The following CXCR2 variants were observed in gnomAD, a reference collection of about 807,000 sequenced individuals.
CXCR2 encodes C-X-C chemokine receptor type 2.
CXCR2 carries 2 observed loss-of-function variants against 3.7 expected under a neutral mutation model. That is an observed-to-expected ratio of 0.55 (90% CI 0.22 to 1.72). CXCR2 has a LOEUF of 1.72. CXCR2 is among the 40% of genes most tolerant of loss of function. The probability of loss-of-function intolerance (pLI) is 0.19; values close to 1 mark genes in which losing one functional copy is unlikely to be tolerated. For synonymous variants in CXCR2, 203 were observed against 193.3 expected, an observed-to-expected ratio of 1.05 and a Z score of -0.41; for missense variants, 351 against 450.1, an observed-to-expected ratio of 0.78 and a Z score of 1.99.
intron 2 of CXCR2, among the ~76,000 whole-genome samples, chr2:218,133,515 C>T (rs1690702243): frequency 6.6e-6 from 1 of 151,918 alleles, no homozygotes; most frequent in Non-Finnish European, 1.5e-5. Flanking sequence ...AGCCAGGCTG[C>T]TCTCAAACTC....
chr2:218,129,666 G>T (rs1180097577), intron 2 of CXCR2, among the ~76,000 whole-genome samples: 1 of 152,108 alleles, frequency 6.6e-6, no homozygotes, highest in Non-Finnish European at 1.5e-5. Flanking sequence ...CTAGGACTGG[G>T]TCTGAGGATG....
At position 218,136,585 on chromosome 2, in the gene CXCR2, A is replaced by G. The variant is rs1224839612; in HGVS notation, c.*701A>G. 2 of 167,080 alleles carry G rather than the reference A, an allele frequency of 1.2e-5. No individual in the cohort carries two copies. The highest frequency in any genetic ancestry group is 2.9e-5 in the Non-Finnish European group (2 of 68,134). 10.3% of individuals were successfully genotyped at this position (167,080 alleles called of 1,614,324 possible). On this transcript the variant is annotated 3_prime_UTR_variant, in exon 3 of 3. Transcript: ENST00000318507. ...TGATCCTGCAATTCCACTTATAGGAATTGACCCACAAGAAATGAAAGCAGG... is the reference window on the plus strand; with the variant it reads ...TGATCCTGCAATTCCACTTATAGGAGTTGACCCACAAGAAATGAAAGCAGG...
At position 218,134,709 on chromosome 2, in the gene CXCR2, GT is replaced by G. The variant is rs997418075; in HGVS notation, c.-25-65del. 73 of 1,417,308 alleles carry G rather than the reference GT, an allele frequency of 5.2e-5. 1 individual carries two copies. The Admixed American group carries it at 1.5e-3, about 30-fold the overall frequency. 87.8% of individuals were successfully genotyped at this position (1,417,308 alleles called of 1,614,324 possible). The stretch of plus-strand genomic sequence containing the variant: ...AGCCAACACAAAGAATCCTATCCCA[GT>G]TTCTTGAGTGGATGGGCAAGAATAT... On this transcript the variant is annotated intron_variant, in intron 2 of 2. Coordinates refer to ENST00000318507, the MANE Select transcript of CXCR2 (RefSeq NM_001557.4).
In CXCR2 at chr2:218,136,036, T is replaced by G; in HGVS notation, c.*152T>G. On this transcript the variant is annotated 3_prime_UTR_variant, in exon 3 of 3. Coordinates refer to ENST00000318507, the MANE Select transcript of CXCR2 (RefSeq NM_001557.4). ...TAGAGGAGGCCACGTTCTTACTAGT[T>G]TCCCTTGCATGGTTTAGAAAGCTTG... is the stretch of plus-strand genomic sequence containing the variant. The G allele has an allele frequency of 9.9e-7, 1 of 1,013,906 alleles. No homozygotes were observed. Among genetic ancestry groups the G allele is most frequent in the Non-Finnish European group, 1.5e-6 (1 of 685,972 alleles). The allele number at this position is 1,013,906 out of a possible 1,614,324, so 62.8% of individuals were successfully genotyped here. A position where few individuals can be genotyped will look rare whatever the true frequency, so the allele number is the denominator to read the frequency against.
chr2:218,132,574 T>TA (rs1222234081), intron 2 of CXCR2, among the ~76,000 whole-genome samples: 1 of 152,222 alleles, frequency 6.6e-6, no homozygotes, highest in Non-Finnish European at 1.5e-5. Flanking sequence ...ACATGGGCTA[T>TA]ATGGTAGAGT....
rs915319548 is a variant in CXCR2 at position 218,137,054 on chromosome 2, T to C, written c.*1170T>C. On this transcript the variant is annotated 3_prime_UTR_variant, in exon 3 of 3. Transcript: ENST00000318507. ...CGCAATGTGACTTAATGCCACTAAA[T>C]TGACACTTAAAAATGGTTTAAATGG... is the stretch of plus-strand genomic sequence containing the variant. 28 of 166,768 alleles carry C rather than the reference T, an allele frequency of 1.7e-4. No homozygotes were observed. The highest frequency in any genetic ancestry group is 6.8e-4 in the African/African-American group (28 of 41,184). The allele number at this position is 166,768 out of a possible 1,614,324, so 10.3% of individuals were successfully genotyped here.
rs565078605 is a variant in CXCR2, at chr2:218,132,512, G to C, written c.-25-2265G>C. On this transcript the variant is annotated intron_variant, in intron 2 of 2. Transcript: ENST00000318507. ...GCTTAACAATGCGGATGCATTCTGA[G>C]AAATATGTCATGTGAACATGGTAGA... is the stretch of plus-strand genomic sequence containing the variant. Among the ~76,000 whole-genome samples, 3 of 152,302 alleles carry C rather than the reference G, an allele frequency of 2.0e-5. No homozygotes were observed. The East Asian group carries it at 5.8e-4, about 29-fold the overall frequency.
rs199534482 is a variant in CXCR2 at position 218,135,823 on chromosome 2, C to A, written c.1022C>A (p.Pro341His). ...IHGLISKDSL[P>H]KDSRPSFVGS... ...GGCTTGATCAGCAAGGACTCCCTGC[C>A]CAAAGACAGCAGGCCTTCCTTTGTT... The change falls in exon 3 of 3, where the codon CCC becomes CAC. Residue 341 changes from proline to histidine, a missense_variant. Transcript: ENST00000318507. The surrounding 1 kb of genome is among the most constrained non-coding windows in gnomAD (Gnocchi z 4.0). The A allele has an allele frequency of 6.2e-7, 1 of 1,614,066 alleles. No individual in the cohort carries two copies. Among genetic ancestry groups the A allele is most frequent in the Non-Finnish European group, 8.5e-7 (1 of 1,179,994 alleles).
chr2:218,125,338 T>C (rs570189962), upstream of CXCR2: 3 of 152,360 alleles, frequency 2.0e-5, no homozygotes, highest in South Asian at 6.2e-4. Context: ...CCTTCCTGGG[T>C]ACAGTGCTAT....
At chr2:218,134,451 G>A (rs1238092673) in intron 2 of CXCR2, among the ~76,000 whole-genome samples, 4 of 152,120 alleles carry the variant, frequency 2.6e-5, no homozygotes, top group Non-Finnish European at 4.4e-5. Context: ...AAAGATGCTC[G>A]CCACTGAAGG....
rs916343383 is a variant in CXCR2 at position 218,127,715 on chromosome 2, G to A, written c.-78+1362G>A. Among the ~76,000 whole-genome samples, 7 of 152,282 alleles carry A rather than the reference G, an allele frequency of 4.6e-5. No individual in the cohort carries two copies. In the East Asian group the frequency reaches 5.8e-4, roughly 13 times the overall value. On this transcript the variant is annotated intron_variant, in intron 1 of 2. Coordinates refer to ENST00000318507, the MANE Select transcript of CXCR2 (RefSeq NM_001557.4). The stretch of plus-strand genomic sequence containing the variant: ...ACCTAGTTCAGCTGTGTCACTCTAG[G>A]TATGTTGCTTAACCTCTCAGAGTCT...
chr2:218,133,022 A>G (rs1282592253), intron 2 of CXCR2, among the ~76,000 whole-genome samples: 2 of 152,096 alleles, frequency 1.3e-5, no homozygotes, highest in East Asian at 3.9e-4. Flanking sequence ...TGACTTTTCC[A>G]CTTCCTCACC....
Position 218,129,977 on chromosome 2 carries a change from C to T in CXCR2, c.-26+612C>T, listed in dbSNP as rs1368350215. ...TGGAATATATGACTGTGTGGTCAGCCGGACCCAGCCAGTTCAAGGGTGTTT... is the reference window on the plus strand; with the variant it reads ...TGGAATATATGACTGTGTGGTCAGCTGGACCCAGCCAGTTCAAGGGTGTTT... On this transcript the variant is annotated intron_variant, in intron 2 of 2. Coordinates refer to ENST00000318507, the MANE Select transcript of CXCR2 (RefSeq NM_001557.4). Among the ~76,000 whole-genome samples, 7 of 152,094 alleles carry T rather than the reference C, an allele frequency of 4.6e-5. No individual in the cohort carries two copies. In the East Asian group the frequency reaches 1.2e-3, roughly 25 times the overall value.
chr2:218,132,608 C>T (rs1464478815), intron 2 of CXCR2, among the ~76,000 whole-genome samples: 1 of 152,206 alleles, frequency 6.6e-6, no homozygotes, highest in Non-Finnish European at 1.5e-5. Context: ...TACAAACCTA[C>T]TCAGCATGTT....
rs1435172046 is a variant in CXCR2, at chr2:218,136,965, G to A, written c.*1081G>A. On this transcript the variant is annotated 3_prime_UTR_variant, in exon 3 of 3. Coordinates refer to ENST00000318507, the MANE Select transcript of CXCR2 (RefSeq NM_001557.4). ...GAGCATGGGAAGTGACGGTTTAATG[G>A]GCACAGGGTTTATGTTTAGGATGTT... 2 of 167,142 alleles carry A rather than the reference G, an allele frequency of 1.2e-5. No homozygotes were observed. The highest frequency in any genetic ancestry group is 2.4e-5 in the African/African-American group (1 of 41,410). The allele number at this position is 167,142 out of a possible 1,614,324, so 10.4% of individuals were successfully genotyped here.
intron 2 of CXCR2, among the ~76,000 whole-genome samples, chr2:218,133,468 T>A (rs1245624714): frequency 6.6e-6 from 1 of 151,990 alleles, no homozygotes; most frequent in South Asian, 2.1e-4. Flanking sequence ...CCTGGCTAAT[T>A]TTTGTATTAT....
At chr2:218,129,705 C>T (rs936905979) in intron 2 of CXCR2, among the ~76,000 whole-genome samples, 3 of 108,320 alleles carry the variant, frequency 2.8e-5, no homozygotes, top group African/African-American at 9.5e-5. Flanking sequence ...TCCCACTTCC[C>T]GACACTAAAT....
chr2:218,129,804 T>C (rs1298325874), intron 2 of CXCR2, among the ~76,000 whole-genome samples: 1 of 152,212 alleles, frequency 6.6e-6, no homozygotes, highest in Non-Finnish European at 1.5e-5. Context: ...TTGCCTTAGA[T>C]GTTTGAGATC....
rs539826010 is a variant in CXCR2, at chr2:218,135,339, G to T, written c.538G>T (p.Val180Phe). The change falls in exon 3 of 3, where the codon GTC (valine) becomes TTC (phenylalanine). Residue 180 changes from valine to phenylalanine, a missense_variant. Physicochemically the swap from Val to Phe is conservative, Grantham distance 50. Coordinates refer to ENST00000318507, the MANE Select transcript of CXCR2 (RefSeq NM_001557.4). The surrounding 1 kb of genome is among the most constrained non-coding windows in gnomAD (Gnocchi z 4.0). ...WGLSLLLALP[V>F]LLFRRTVYSS... ...TCTGTCCTTGCTCCTGGCCCTGCCT[G>T]TCTTACTTTTCCGAAGGACCGTCTA... 1 of 1,614,144 alleles carries T rather than the reference G, an allele frequency of 6.2e-7. No individual in the cohort carries two copies. Among genetic ancestry groups the T allele is most frequent in the African/African-American group, 1.3e-5 (1 of 75,034 alleles).
Sources: gnomAD v4.1 joint callset for allele counts (sites outside exome capture counted in the v4.1 genomes callset) on GRCh38, gnomAD v4.1.1 for gene constraint, Gnocchi (gnomAD v3.1) non-coding constraint, MANE v1.5 for transcripts, NCBI Gene and HGNC (gene_info 2026-07-23, HGNC 2026-07-21) for gene names.